IL1RL2: variants seen among roughly 807,000 people sequenced by gnomAD.
IL1RL2 encodes interleukin-1 receptor-like 2.
Under a neutral mutation model 66.8 loss-of-function variants are expected in IL1RL2, and 68 were observed. The observed-to-expected ratio is 1.02, with a 90% CI of 0.84 to 1.25. IL1RL2 has a LOEUF of 1.25. Among genes scored for constraint, IL1RL2 ranks in the 50% most tolerant of loss-of-function variants. The probability of loss-of-function intolerance (pLI) is 0.00; values close to 1 mark genes in which losing one functional copy is unlikely to be tolerated. For missense variants in IL1RL2, 729 were observed against 709.3 expected (o/e 1.03, Z -0.32); for synonymous variants, 305 against 264.6 (o/e 1.15, Z -1.48).
intron 4 of IL1RL2, 57 bp from the exon 5 acceptor site, chr2:102,201,499 G>A: frequency 2.0e-6 from 3 of 1,514,438 alleles, no homozygotes; most frequent in Non-Finnish European, 2.7e-6. Flanking sequence ...TAAATACTAG[G>A]GATCACACAG....
chr2:102,195,131 C>G (rs1181102641), intron 4 of IL1RL2, among the ~76,000 whole-genome samples: 1 of 152,146 alleles, frequency 6.6e-6, no homozygotes, highest in African/African-American at 2.4e-5. Flanking sequence ...GTCTATTTCT[C>G]ATTGATTTGT....
chr2:102,207,243 T>C (rs1358004512), intron 5 of IL1RL2, among the ~76,000 whole-genome samples: 2 of 152,104 alleles, frequency 1.3e-5, no homozygotes, highest in Non-Finnish European at 2.9e-5. Flanking sequence ...TACCCTCCCC[T>C]GTGGCTATGC....
chr2:102,228,477 G>C (rs1690831517), intron 9 of IL1RL2, among the ~76,000 whole-genome samples: 3 of 152,246 alleles, frequency 2.0e-5, no homozygotes. Flanking sequence ...AAGTCAGCAA[G>C]TTCTGTATCT....
chr2:102,232,195 T>G (rs551183683), intron 9 of IL1RL2, among the ~76,000 whole-genome samples: 13 of 151,652 alleles, frequency 8.6e-5, no homozygotes, highest in African/African-American at 3.1e-4. Flanking sequence ...CACTGAAACC[T>G]TCGCCTCCCA....
intron 9 of IL1RL2, among the ~76,000 whole-genome samples, chr2:102,229,279 C>A (rs978808172): frequency 1.3e-5 from 2 of 152,120 alleles, no homozygotes; most frequent in Non-Finnish European, 2.9e-5. Context: ...TAGGGTGTGG[C>A]AAAGTTCTGG....
chr2:102,209,082 T>G (rs1245302633), intron 5 of IL1RL2, among the ~76,000 whole-genome samples: 6 of 152,202 alleles, frequency 3.9e-5, no homozygotes, highest in Non-Finnish European at 4.4e-5. Context: ...TTTTGTAAGG[T>G]GAAATTGCTC....
chr2:102,231,839 T>G (rs956388908), intron 9 of IL1RL2, among the ~76,000 whole-genome samples: 1 of 152,172 alleles, frequency 6.6e-6, no homozygotes, highest in African/African-American at 2.4e-5. Flanking sequence ...CTTTTTCTCT[T>G]GTTTCACAGA....
chr2:102,236,881 A>G (rs1293183828), intron 11 of IL1RL2, among the ~76,000 whole-genome samples: 1 of 152,262 alleles, frequency 6.6e-6, no homozygotes, highest in African/African-American at 2.4e-5. Flanking sequence ...GAAAGTAGTG[A>G]CACATGTTGG....
At chr2:102,242,098 T>C (rs1359725337), downstream of IL1RL2, among the ~76,000 whole-genome samples, 8 of 152,298 alleles carry the variant, frequency 5.3e-5, no homozygotes, top group Admixed American at 3.3e-4. Flanking sequence ...CTTACGCAAG[T>C]CTGCTGTGAA....
At chr2:102,232,311 C>T (rs189413769) in intron 9 of IL1RL2, among the ~76,000 whole-genome samples, 4 of 152,132 alleles carry the variant, frequency 2.6e-5, no homozygotes, top group African/African-American at 9.6e-5. Context: ...CAGGGTTTCA[C>T]CATGTTGGCC....
chr2:102,240,546 C>A (rs180717680), downstream of IL1RL2, among the ~76,000 whole-genome samples: 1 of 152,150 alleles, frequency 6.6e-6, no homozygotes, highest in East Asian at 1.9e-4. Flanking sequence ...AAGCTCTGTT[C>A]TATGTTATTT....
chr2:102,224,725 A>G (rs1019806668), intron 8 of IL1RL2, among the ~76,000 whole-genome samples: 24 of 152,338 alleles, frequency 1.6e-4, no homozygotes, highest in African/African-American at 4.8e-4. Flanking sequence ...AGAGGAATGA[A>G]TTTGGAATAT....
Position 102,192,133 on chromosome 2 carries a change from T to C in IL1RL2, c.489+13T>C. The C allele has an allele frequency of 6.6e-7, 1 of 1,523,672 alleles. No individual in the cohort carries two copies. The highest frequency in any genetic ancestry group is 8.8e-7 in the Non-Finnish European group (1 of 1,133,520). The allele number at this position is 1,523,672 out of a possible 1,614,324, so 94.4% of individuals were successfully genotyped here. ...AAAGTGGTATAAGGTAAAAAAGAAT[T>C]TTCTTATTGATATTTTTCCTCCTTT... is the stretch of plus-strand genomic sequence containing the variant. On this transcript the variant is annotated intron_variant, in intron 4 of 11. Coordinates refer to ENST00000264257, the MANE Select transcript of IL1RL2 (RefSeq NM_003854.4).
Position 102,187,067 on chromosome 2 carries a change from C to A in IL1RL2, c.-32C>A, listed in dbSNP as rs1408932145. ...TTTCCACTCTCCACGAGGTCCTGCGCGCTTCAATCCTGCAGGCAGGTAGAC... is the reference window on the plus strand; with the variant it reads ...TTTCCACTCTCCACGAGGTCCTGCGAGCTTCAATCCTGCAGGCAGGTAGAC... On this transcript the variant is annotated 5_prime_UTR_variant, in exon 1 of 12. Coordinates refer to ENST00000264257, the MANE Select transcript of IL1RL2 (RefSeq NM_003854.4). The A allele has an allele frequency of 1.6e-6, 2 of 1,289,878 alleles. No homozygotes were observed. The highest frequency in any genetic ancestry group is 1.0e-6 in the Non-Finnish European group (1 of 988,872). 79.9% of individuals were successfully genotyped at this position (1,289,878 alleles called of 1,614,324 possible).
intron 6 of IL1RL2, among the ~76,000 whole-genome samples, chr2:102,215,591 T>C (rs1464971083): frequency 6.6e-6 from 1 of 152,002 alleles, no homozygotes; most frequent in African/African-American, 2.4e-5. Context: ...ACCAGCCCAG[T>C]AGCCCTGCAC....
chr2:102,230,757 G>A (rs891466887), intron 9 of IL1RL2, among the ~76,000 whole-genome samples: 2 of 152,198 alleles, frequency 1.3e-5, no homozygotes, highest in Non-Finnish European at 1.5e-5. Flanking sequence ...ATGTGCATGC[G>A]TGTGTGTTTG....
intron 5 of IL1RL2, among the ~76,000 whole-genome samples, chr2:102,207,921 G>A (rs1191563865): frequency 1.3e-5 from 2 of 152,180 alleles, no homozygotes; most frequent in South Asian, 4.1e-4. Context: ...TGATCACTGG[G>A]ATTAACAATT....
chr2:102,234,860 T>G, intron 10 of IL1RL2, 37 bp from the exon 11 acceptor site: 1 of 1,572,882 alleles, frequency 6.4e-7, no homozygotes, highest in Non-Finnish European at 8.7e-7. Context: ...GCTGTTTTAA[T>G]TGTGAGTTCT....
intron 1 of IL1RL2, chr2:102,187,410 G>A (rs1313491596): frequency 2.6e-6 from 3 of 1,134,534 alleles, no homozygotes; most frequent in Non-Finnish European, 3.3e-6. Context: ...GCCAGGCTCG[G>A]GTGGATCCCG....
Sources: allele counts gnomAD v4.1 joint callset (sites outside exome capture counted in the v4.1 genomes callset), GRCh38; gene constraint gnomAD v4.1.1; transcripts MANE v1.5; gene names NCBI Gene and HGNC (gene_info 2026-07-23, HGNC 2026-07-21).